The following PPP1R16B variants were observed in gnomAD, a reference collection of about 807,000 sequenced individuals.
PPP1R16B encodes protein phosphatase 1 regulatory inhibitor subunit 16B.
A neutral mutation model predicts 61.7 loss-of-function variants in PPP1R16B; 14 were observed. That is an observed-to-expected ratio of 0.23 (90% CI 0.15 to 0.35). PPP1R16B has a LOEUF of 0.35. Among genes scored for constraint, PPP1R16B ranks in the 10% least tolerant of loss-of-function variants. The probability of loss-of-function intolerance (pLI) is 1.00; values close to 1 mark genes in which losing one functional copy is unlikely to be tolerated. For synonymous variants in PPP1R16B, 266 were observed against 305.3 expected (o/e 0.87, Z 1.34); for missense variants, 547 against 752.5 (o/e 0.73, Z 3.19).
At chr20:38,910,472 C>T (rs970477297) in intron 10 of PPP1R16B, among the ~76,000 whole-genome samples, 5 of 151,468 alleles carry the variant, frequency 3.3e-5, no homozygotes, top group South Asian at 2.1e-4. Context: ...CAGTTTCTTT[C>T]GTGTCTGGCT....
At chr20:38,860,199 C>T (rs550026390) in intron 2 of PPP1R16B, among the ~76,000 whole-genome samples, 6 of 152,242 alleles carry the variant, frequency 3.9e-5, no homozygotes, top group African/African-American at 1.2e-4. Flanking sequence ...AACTTCTGAC[C>T]TCAGGTGATC....
At chr20:38,824,082 C>T (rs1870746302) in intron 1 of PPP1R16B, among the ~76,000 whole-genome samples, 1 of 152,194 alleles carries the variant, frequency 6.6e-6, no homozygotes, top group Non-Finnish European at 1.5e-5. Flanking sequence ...CTCCGAGTCC[C>T]AGTTTTCTCC....
Position 38,895,665 on chromosome 20 carries a change from C to T in PPP1R16B, c.422C>T (p.Ala141Val). The T allele has an allele frequency of 2.5e-6, 4 of 1,614,174 alleles. No homozygotes were observed. Among genetic ancestry groups the T allele is most frequent in the Non-Finnish European group, 3.4e-6 (4 of 1,180,022 alleles). ...DNELWTPLHA[A>V]ATCGHINLVK... ...GAGCTGTGGACACCTCTCCATGCTG[C>T]AGCCACCTGCGGCCACATCAACCTG... The change falls in exon 4 of 11, where the codon GCA (alanine) becomes GTA (valine). Residue 141 changes from alanine (A) to valine (V), a missense_variant. Coordinates refer to ENST00000299824, the MANE Select transcript of PPP1R16B (RefSeq NM_015568.4).
At position 38,907,543 on chromosome 20, in the gene PPP1R16B, A is replaced by G. The variant is rs1265089864; in HGVS notation, c.899-263A>G. Among the ~76,000 whole-genome samples, 1 of 152,180 alleles carries G rather than the reference A, an allele frequency of 6.6e-6. No individual in the cohort carries two copies. Among genetic ancestry groups the G allele is most frequent in the Non-Finnish European group, 1.5e-5 (1 of 68,026 alleles). ...TGGGGACTCTTCTTGGAAACTATCA[A>G]AGAGCAACATGAATCCCTCGGTCAT... On this transcript the variant is annotated intron_variant, in intron 8 of 10. Transcript: ENST00000299824. The surrounding 1 kb of genome is among the most constrained non-coding windows in gnomAD (Gnocchi z 4.5).
intron 3 of PPP1R16B, among the ~76,000 whole-genome samples, chr20:38,893,575 A>G (rs1052705751): frequency 4.0e-5 from 5 of 125,242 alleles, no homozygotes; most frequent in African/African-American, 5.9e-5. Flanking sequence ...GAAGGGAGGA[A>G]GTGGGAGGAG....
intron 1 of PPP1R16B, among the ~76,000 whole-genome samples, chr20:38,824,323 T>C (rs1205849282): frequency 6.6e-6 from 1 of 152,244 alleles, no homozygotes; most frequent in Non-Finnish European, 1.5e-5. Flanking sequence ...AGCAAGTATT[T>C]GTTCTATTAC....
intron 2 of PPP1R16B, among the ~76,000 whole-genome samples, chr20:38,869,449 G>A (rs1043532135): frequency 6.6e-6 from 1 of 152,062 alleles, no homozygotes; most frequent in African/African-American, 2.4e-5. Flanking sequence ...GTGAGCCACC[G>A]CGCCTGGCCT....
At chr20:38,892,353 C>T (rs1336975903) in intron 3 of PPP1R16B, among the ~76,000 whole-genome samples, 2 of 152,204 alleles carry the variant, frequency 1.3e-5, no homozygotes, top group South Asian at 2.1e-4. Flanking sequence ...GTCAGGGAGG[C>T]GGGAACTCGC....
rs1568690110 is a variant in PPP1R16B, at chr20:38,919,519, T to C, written c.*853T>C. The C allele has an allele frequency of 6.6e-6, 1 of 152,230 alleles. No individual in the cohort carries two copies. Among genetic ancestry groups the C allele is most frequent in the Non-Finnish European group, 1.5e-5 (1 of 68,052 alleles). The allele number at this position is 152,230 out of a possible 1,614,324, so 9.4% of individuals were successfully genotyped here. The stretch of plus-strand genomic sequence containing the variant: ...AGGTCAGTATTTACCAAAGTGTATC[T>C]GATTTTAAAAATTCCTTTAGTCTGT... On this transcript the variant is annotated 3_prime_UTR_variant, in exon 11 of 11. Transcript: ENST00000299824.
At chr20:38,813,421 A>C (rs897780243) in intron 1 of PPP1R16B, among the ~76,000 whole-genome samples, 15 of 152,218 alleles carry the variant, frequency 9.9e-5, no homozygotes, top group African/African-American at 3.6e-4. Context: ...TATTTTCTCA[A>C]AGTGTGCCAG....
At chr20:38,849,494 G>A (rs867372090) in intron 2 of PPP1R16B, among the ~76,000 whole-genome samples, 3 of 152,142 alleles carry the variant, frequency 2.0e-5, no homozygotes, top group South Asian at 2.1e-4. Context: ...ACTCTGGAGT[G>A]AATGGAACTG....
rs2085594487 is a variant in PPP1R16B, at chr20:38,921,178, A to G, written c.*2512A>G. 1 of 152,202 alleles carries G rather than the reference A, an allele frequency of 6.6e-6. No homozygotes were observed. Among genetic ancestry groups the G allele is most frequent in the African/African-American group, 2.4e-5 (1 of 41,458 alleles). 9.4% of individuals were successfully genotyped at this position (152,202 alleles called of 1,614,324 possible). ...ACAGGTGACTCTCAGGCATTGGCTCATGTTTTCAGCCAGGGATAAACCATC... is the reference window on the plus strand; with the variant it reads ...ACAGGTGACTCTCAGGCATTGGCTCGTGTTTTCAGCCAGGGATAAACCATC... On this transcript the variant is annotated 3_prime_UTR_variant, in exon 11 of 11. Coordinates refer to ENST00000299824, the MANE Select transcript of PPP1R16B (RefSeq NM_015568.4).
At chr20:38,831,347 G>A (rs1052231085) in intron 1 of PPP1R16B, among the ~76,000 whole-genome samples, 4 of 152,204 alleles carry the variant, frequency 2.6e-5, no homozygotes, top group Non-Finnish European at 4.4e-5. Context: ...CCTGGCTGCC[G>A]TGGGCTGCCC....
At chr20:38,843,969 T>C (rs1160165487) in intron 2 of PPP1R16B, among the ~76,000 whole-genome samples, 1 of 152,226 alleles carries the variant, frequency 6.6e-6, no homozygotes, top group Admixed American at 6.5e-5. Flanking sequence ...TTTTCAGATA[T>C]TGTGGATATT....
intron 2 of PPP1R16B, among the ~76,000 whole-genome samples, chr20:38,889,117 G>A (rs1213033369): frequency 6.6e-6 from 1 of 152,056 alleles, no homozygotes; most frequent in Non-Finnish European, 1.5e-5. Flanking sequence ...ACCACATGCT[G>A]GCCACTGTGC....
chr20:38,843,219 A>C (rs1404119210), intron 2 of PPP1R16B, among the ~76,000 whole-genome samples: 1 of 152,284 alleles, frequency 6.6e-6, no homozygotes, highest in Admixed American at 6.5e-5. Flanking sequence ...AGTCAGAATG[A>C]TAAACACATT....
intron 1 of PPP1R16B, among the ~76,000 whole-genome samples, chr20:38,825,521 C>T (rs769481261): frequency 2.6e-5 from 4 of 152,088 alleles, no homozygotes; most frequent in Non-Finnish European, 4.4e-5. Context: ...ATAGGGACTG[C>T]CCTCCTCTGC....
At chr20:38,809,048 A>G (rs1195535608) in intron 1 of PPP1R16B, among the ~76,000 whole-genome samples, 1 of 86,318 alleles carries the variant, frequency 1.2e-5, no homozygotes, top group Non-Finnish European at 2.4e-5. Flanking sequence ...GAAAAAGAAA[A>G]AAAAAAGTGC....
intron 3 of PPP1R16B, among the ~76,000 whole-genome samples, chr20:38,893,546 G>C (rs2085307407): frequency 6.6e-6 from 1 of 150,570 alleles, no homozygotes; most frequent in African/African-American, 2.4e-5. Context: ...ATTCATACCT[G>C]GTGATAGATT....
Sources: gnomAD v4.1 joint callset for allele counts (sites outside exome capture counted in the v4.1 genomes callset) on GRCh38, gnomAD v4.1.1 for gene constraint, Gnocchi (gnomAD v3.1) non-coding constraint, MANE v1.5 for transcripts, NCBI Gene and HGNC (gene_info 2026-07-23, HGNC 2026-07-21) for gene names.